Variants in HS3ST4 observed in about 807,000 individuals in gnomAD.
HS3ST4 encodes heparan sulfate glucosamine 3-O-sulfotransferase 4.
In HS3ST4, 17 loss-of-function variants were observed where a neutral mutation model predicts 29.2. The observed-to-expected ratio is 0.58, with a 90% CI of 0.40 to 0.87. HS3ST4 has a LOEUF of 0.87. Ranked by LOEUF, HS3ST4 falls within the 40% of genes least tolerant of loss-of-function variation. The pLI is 0.00. For synonymous variants in HS3ST4, 314 were observed against 285.7 expected (o/e 1.10, Z -1.00); for missense variants, 627 against 634.5 (o/e 0.99, Z 0.13).
At chr16:25,870,895 A>G (rs1003947160) in intron 1 of HS3ST4, among the ~76,000 whole-genome samples, 1 of 152,226 alleles carries the variant, frequency 6.6e-6, no homozygotes, top group Admixed American at 6.5e-5. Context: ...TGTACGGCAC[A>G]TGAGAGAGAT....
At chr16:25,941,584 C>G (rs535654135) in intron 1 of HS3ST4, among the ~76,000 whole-genome samples, 2 of 151,246 alleles carry the variant, frequency 1.3e-5, no homozygotes, top group East Asian at 1.9e-4. Flanking sequence ...TTTTGTTTTT[C>G]TTTCTGTTTT....
intron 1 of HS3ST4, among the ~76,000 whole-genome samples, chr16:25,993,117 A>G (rs1026039438): frequency 6.6e-6 from 1 of 152,206 alleles, no homozygotes; most frequent in African/African-American, 2.4e-5. Context: ...AAGCCCCACA[A>G]TCTAGAACTG....
chr16:26,123,995 A>G (rs1379805085), intron 1 of HS3ST4, among the ~76,000 whole-genome samples: 1 of 150,824 alleles, frequency 6.6e-6, no homozygotes, highest in African/African-American at 2.4e-5. Flanking sequence ...ATCTCAGCTT[A>G]CCGCAACTTG....
chr16:25,717,227 T>C (rs1966460476), intron 1 of HS3ST4, among the ~76,000 whole-genome samples: 1 of 152,142 alleles, frequency 6.6e-6, no homozygotes, highest in Non-Finnish European at 1.5e-5. Flanking sequence ...GCATTGTGGT[T>C]GGTGCTGGAA....
At chr16:25,986,162 A>C (rs1969060586) in intron 1 of HS3ST4, among the ~76,000 whole-genome samples, 1 of 152,150 alleles carries the variant, frequency 6.6e-6, no homozygotes, top group African/African-American at 2.4e-5. Flanking sequence ...TTTCTCATTA[A>C]TAATTATCTC....
At chr16:26,070,267 T>C (rs1898586951) in intron 1 of HS3ST4, among the ~76,000 whole-genome samples, 1 of 152,214 alleles carries the variant, frequency 6.6e-6, no homozygotes, top group East Asian at 1.9e-4. Flanking sequence ...TGTGAGATGA[T>C]ATGTCATTGT....
intron 1 of HS3ST4, among the ~76,000 whole-genome samples, chr16:25,992,096 T>C (rs1969119413): frequency 6.6e-6 from 1 of 152,152 alleles, no homozygotes; most frequent in South Asian, 2.1e-4. Context: ...AAGTGCATGG[T>C]GCTAAGTCCT....
chr16:25,717,687 C>T (rs1365899601), intron 1 of HS3ST4, among the ~76,000 whole-genome samples: 7 of 152,100 alleles, frequency 4.6e-5, no homozygotes, highest in Non-Finnish European at 1.0e-4. Context: ...TAGGATGAAG[C>T]TGGAGAGGAA....
chr16:26,106,075 T>C (rs1268534264), intron 1 of HS3ST4, among the ~76,000 whole-genome samples: 1 of 152,180 alleles, frequency 6.6e-6, no homozygotes, highest in Non-Finnish European at 1.5e-5. Context: ...CTATGGTGGT[T>C]TCCTAAGACC....
At chr16:25,777,663 G>A (rs1226057063) in intron 1 of HS3ST4, among the ~76,000 whole-genome samples, 1 of 152,196 alleles carries the variant, frequency 6.6e-6, no homozygotes, top group African/African-American at 2.4e-5. Flanking sequence ...AGTTACTTGG[G>A]AGGCTGGGGC....
intron 1 of HS3ST4, among the ~76,000 whole-genome samples, chr16:25,977,023 A>G (rs955816227): frequency 5.3e-5 from 8 of 152,230 alleles, no homozygotes; most frequent in South Asian, 2.1e-4. Flanking sequence ...CCCATGGGCT[A>G]CAGTTTGTGG....
At chr16:25,694,110 C>A (rs1233309212) in intron 1 of HS3ST4, among the ~76,000 whole-genome samples, 1 of 152,218 alleles carries the variant, frequency 6.6e-6, no homozygotes, top group Non-Finnish European at 1.5e-5. Flanking sequence ...AACAGATCTG[C>A]ATGGCTGGCT....
At chr16:25,872,900 T>C (rs72780759) in intron 1 of HS3ST4, among the ~76,000 whole-genome samples, 1 of 123,346 alleles carries the variant, frequency 8.1e-6, no homozygotes, top group Non-Finnish European at 1.8e-5. Context: ...TGTTTTGTTT[T>C]GTTTTGTTTC....
intron 1 of HS3ST4, among the ~76,000 whole-genome samples, chr16:25,750,131 T>C (rs1024170228): frequency 6.6e-6 from 1 of 152,180 alleles, no homozygotes; most frequent in Non-Finnish European, 1.5e-5. Flanking sequence ...TTAATTTATA[T>C]GTTTTGGATC....
At chr16:25,748,843 A>G (rs1421472079) in intron 1 of HS3ST4, among the ~76,000 whole-genome samples, 1 of 152,248 alleles carries the variant, frequency 6.6e-6, no homozygotes, top group Non-Finnish European at 1.5e-5. Context: ...TAAAGTTTTT[A>G]TACTGGTTTA....
chr16:26,027,455 C>T (rs1336490608), intron 1 of HS3ST4, among the ~76,000 whole-genome samples: 3 of 152,226 alleles, frequency 2.0e-5, no homozygotes, highest in African/African-American at 7.2e-5. Context: ...TGAACATTGT[C>T]TACTTTGTCA....
At chr16:25,788,610 A>G (rs1462068485) in intron 1 of HS3ST4, among the ~76,000 whole-genome samples, 2 of 124,238 alleles carry the variant, frequency 1.6e-5, no homozygotes, top group Admixed American at 2.3e-4. Flanking sequence ...GCATGATCCT[A>G]GCTCACTGCA....
intron 1 of HS3ST4, among the ~76,000 whole-genome samples, chr16:25,828,242 C>CTCTTTCTATCTT (rs1967244527): frequency 6.7e-5 from 5 of 75,016 alleles, no homozygotes; most frequent in Admixed American, 6.1e-4. Context: ...TTCTTTCTTT[C>CTCTTTCTATCTT]TCTTTCTTTC....
intron 1 of HS3ST4, among the ~76,000 whole-genome samples, chr16:26,110,974 C>T (rs1899120833): frequency 6.6e-6 from 1 of 152,108 alleles, no homozygotes; most frequent in African/African-American, 2.4e-5. Flanking sequence ...TTCTTTCAGT[C>T]TGCTTAAATG....
Sources: allele counts gnomAD v4.1 joint callset (sites outside exome capture counted in the v4.1 genomes callset), GRCh38; gene constraint gnomAD v4.1.1; transcripts MANE v1.5; gene names NCBI Gene and HGNC (gene_info 2026-07-23, HGNC 2026-07-21).